ATP7A: variants seen among roughly 807,000 people sequenced by gnomAD.
ATP7A encodes the protein copper-transporting ATPase 1.
Under a neutral mutation model 83.5 loss-of-function variants are expected in ATP7A, and 7 were observed. The observed-to-expected ratio is 0.08, with a 90% CI of 0.05 to 0.16. ATP7A has a LOEUF of 0.16. Among genes scored for constraint, ATP7A ranks in the 10% least tolerant of loss-of-function variants. The pLI is 1.00. For synonymous variants in ATP7A, 354 were observed against 395.2 expected (o/e 0.90, Z 1.24); for missense variants, 940 against 1,120.8 (o/e 0.84, Z 2.30).
At chrX:77,925,498 T>TTCA (rs2077237034) in intron 1 of ATP7A, among the ~76,000 whole-genome samples, 1 of 111,228 alleles carries the variant, frequency 9.0e-6, no homozygotes, top group Admixed American at 9.6e-5. Flanking sequence ...GGTTATAGAC[T>TTCA]TCATCTCTGT....
chrX:77,993,467 T>C (rs1196721156), intron 4 of ATP7A, among the ~76,000 whole-genome samples: 4 of 111,982 alleles, frequency 3.6e-5, no homozygotes, highest in Non-Finnish European at 7.5e-5. Context: ...AGAACACTGA[T>C]CTACATAATG....
At chrX:78,005,683 C>CAAAAAAAAAAAAAAAAAAAA (rs1218646073) in intron 6 of ATP7A, among the ~76,000 whole-genome samples, 1 of 13,700 alleles carries the variant, frequency 7.3e-5, no homozygotes, top group Non-Finnish European at 1.2e-4. Context: ...AACTCCATCT[C>CAAAAAAAAAAAAAAAAAAAA]AAAAAAAAAA....
At chrX:78,018,842 AG>A (rs1177338695) in intron 12 of ATP7A, among the ~76,000 whole-genome samples, 53 of 111,072 alleles carry the variant, frequency 4.8e-4, no homozygotes, top group African/African-American at 1.6e-3. Context: ...CAGAAGGTGA[AG>A]GGGGCAAGGA....
intron 1 of ATP7A, among the ~76,000 whole-genome samples, chrX:77,936,457 C>G (rs2077320127): frequency 8.9e-6 from 1 of 111,927 alleles, no homozygotes; most frequent in African/African-American, 3.2e-5. Context: ...TTAACTATAC[C>G]AGTTCTATGG....
chrX:77,937,562 T>C (rs781839462), intron 1 of ATP7A, among the ~76,000 whole-genome samples: 2 of 112,023 alleles, frequency 1.8e-5, no homozygotes, highest in Non-Finnish European at 3.8e-5. Context: ...AACAACCCAG[T>C]TCTTTCAACT....
intron 1 of ATP7A, among the ~76,000 whole-genome samples, chrX:77,918,269 A>T (rs2149040392): frequency 9.2e-6 from 1 of 109,145 alleles, no homozygotes; most frequent in East Asian, 2.9e-4. Context: ...ACGGGATCTT[A>T]CTTTGTTGCC....
intron 14 of ATP7A, among the ~76,000 whole-genome samples, chrX:78,023,262 T>C (rs1484070899): frequency 2.7e-5 from 3 of 112,498 alleles, no homozygotes; most frequent in African/African-American, 9.7e-5. Flanking sequence ...CATGCAGTTG[T>C]CTTTTGATAA....
intron 12 of ATP7A, among the ~76,000 whole-genome samples, chrX:78,016,402 A>G (rs933612098): frequency 2.7e-5 from 3 of 110,830 alleles, no homozygotes; most frequent in Non-Finnish European, 5.7e-5. Flanking sequence ...GAGCCAAACC[A>G]TATCATCCCA....
intron 1 of ATP7A, among the ~76,000 whole-genome samples, chrX:77,932,100 T>C (rs2077286057): frequency 1.8e-5 from 2 of 108,597 alleles, no homozygotes; most frequent in South Asian, 7.9e-4. Flanking sequence ...CGCTCCTCAC[T>C]TCCCAGACGG....
chrX:77,913,765 A>C (rs1017152181), intron 1 of ATP7A, among the ~76,000 whole-genome samples: 18 of 112,161 alleles, frequency 1.6e-4, no homozygotes, highest in Non-Finnish European at 2.1e-4. Context: ...TCCTTGAAGG[A>C]AATGAGGGTA....
At chrX:77,914,342 C>T (rs1557222276) in intron 1 of ATP7A, among the ~76,000 whole-genome samples, 4 of 110,878 alleles carry the variant, frequency 3.6e-5, no homozygotes, top group Non-Finnish European at 7.6e-5. Flanking sequence ...TCTCGATCTC[C>T]CAGGCTCAAG....
At chrX:77,993,445 C>T (rs1557232266) in intron 4 of ATP7A, among the ~76,000 whole-genome samples, 1 of 111,765 alleles carries the variant, frequency 8.9e-6, no homozygotes, top group Non-Finnish European at 1.9e-5. Context: ...TCCATTTGCA[C>T]ATTAAAGTTT....
chrX:78,000,625 A>G (rs1368524012), intron 5 of ATP7A, among the ~76,000 whole-genome samples: 1 of 107,083 alleles, frequency 9.3e-6, no homozygotes, highest in Non-Finnish European at 1.9e-5. Flanking sequence ...TATATGTTAT[A>G]TATAAATATA....
chrX:77,970,783 G>A (rs1478103574), intron 1 of ATP7A, among the ~76,000 whole-genome samples: 2 of 112,513 alleles, frequency 1.8e-5, no homozygotes, highest in Admixed American at 1.9e-4. Context: ...CTTGAAGGAA[G>A]GAGTAGCAAA....
At chrX:77,987,899 T>C (rs1557231530) in intron 2 of ATP7A, among the ~76,000 whole-genome samples, 5 of 111,566 alleles carry the variant, frequency 4.5e-5, no homozygotes, top group African/African-American at 1.6e-4. Context: ...ACCTTTTCAG[T>C]TGGTAGAGTG....
In ATP7A at chrX:78,011,610, G is replaced by A. The variant is rs2234936; in HGVS notation, c.2108G>A (p.Arg703His). 3.1e-5 allele frequency: 37 copies of A among 1,209,005 alleles called. No homozygotes were observed. The highest frequency in any genetic ancestry group is 5.3e-5 in the South Asian group (3 of 56,775). The change falls in exon 9 of 23, where the codon CGC (arginine) becomes CAC (histidine). Residue 703 changes from arginine to histidine, a missense_variant. This residue lies in a region of ATP7A where 204 missense variants were observed against 185.8 expected (regional missense o/e 1.10). Transcript: ENST00000341514. ...CTTCATTCTTCTATGTTCCTGGAGC[G>A]CCAGATTCTTCCAGGATTGTCTGTT... ...INLHSSMFLERQILPGLSVMN... is the reference protein window; with the variant it reads ...INLHSSMFLEHQILPGLSVMN...
chrX:77,931,820 C>G (rs1466968729), intron 1 of ATP7A, among the ~76,000 whole-genome samples: 6 of 89,700 alleles, frequency 6.7e-5, no homozygotes, highest in African/African-American at 2.6e-4. Flanking sequence ...GGGCGGGGGG[C>G]TGACCCCCCC....
intron 4 of ATP7A, among the ~76,000 whole-genome samples, chrX:77,995,793 G>T (rs2077699925): frequency 9.0e-6 from 1 of 110,606 alleles, no homozygotes; most frequent in Non-Finnish European, 1.9e-5. Context: ...GCCCAGGCTG[G>T]AGTGCAGTGG....
rs2078102413 is a variant in ATP7A, at chrX:78,049,635, C to G, written c.*3065C>G. ...GTTTAGTATCAACATTTTAGAATGTCAAATTTGATGCCTTGTGAACAAGTA... is the reference window on the plus strand; with the variant it reads ...GTTTAGTATCAACATTTTAGAATGTGAAATTTGATGCCTTGTGAACAAGTA... On this transcript the variant is annotated 3_prime_UTR_variant, in exon 23 of 23. Coordinates refer to ENST00000341514, the MANE Select transcript of ATP7A (RefSeq NM_000052.7). 8.9e-6 allele frequency: 1 copy of G among 112,538 alleles called. No homozygotes were observed. The highest frequency in any genetic ancestry group is 9.5e-5 in the Admixed American group (1 of 10,542). The allele number at this position is 112,538 out of a possible 1,213,427, so 9.3% of individuals were successfully genotyped here.
Sources: allele counts gnomAD v4.1 joint callset (sites outside exome capture counted in the v4.1 genomes callset), GRCh38; gene constraint gnomAD v4.1.1; regional missense constraint gnomAD v4.1.1; transcripts MANE v1.5; gene names NCBI Gene and HGNC (gene_info 2026-07-23, HGNC 2026-07-21).